The following DCDC1 variants were observed in gnomAD, a reference collection of about 807,000 sequenced individuals.
DCDC1 encodes doublecortin domain containing 1.
In DCDC1, 200 loss-of-function variants were observed where a neutral mutation model predicts 178.3. The ratio of observed to expected loss-of-function variants is 1.12; its 90% CI spans 1.00 to 1.26. The LOEUF (loss-of-function observed/expected upper bound fraction) is 1.26, where lower values mean the gene tolerates loss of function less well. Ranked by LOEUF, DCDC1 falls within the 50% of genes most tolerant of loss-of-function variation. The probability of loss-of-function intolerance (pLI) is 0.00; values close to 1 mark genes in which losing one functional copy is unlikely to be tolerated. For synonymous variants in DCDC1, 690 were observed against 604.8 expected (o/e 1.14, Z -2.07); for missense variants, 1,983 against 1,749.2 (o/e 1.13, Z -2.38).
At chr11:30,993,421 GAGAA>G (rs1951090672) in intron 20 of DCDC1, among the ~76,000 whole-genome samples, 1 of 151,818 alleles carries the variant, frequency 6.6e-6, no homozygotes, top group Admixed American at 6.6e-5. Flanking sequence ...TAAGAAACTA[GAGAA>G]AGAGAAGCAA....
intron 20 of DCDC1, among the ~76,000 whole-genome samples, chr11:31,015,934 A>T (rs1952462185): frequency 6.6e-6 from 1 of 152,240 alleles, no homozygotes. Context: ...AATGTCTAAC[A>T]TGCAAAGGTC....
At chr11:31,313,266 G>GGA (rs1948872529) in intron 3 of DCDC1, among the ~76,000 whole-genome samples, 1 of 152,042 alleles carries the variant, frequency 6.6e-6, no homozygotes, top group Non-Finnish European at 1.5e-5. Flanking sequence ...GGTTATGCTA[G>GGA]CCATTACAAT....
At position 31,001,914 on chromosome 11, in the gene DCDC1, T is replaced by C. The variant is rs375680588; in HGVS notation, c.2592-49346A>G. 5.3e-5 allele frequency among the ~76,000 whole-genome samples: 8 copies of C among 152,352 alleles called. 1 individual carries two copies. In the East Asian group the frequency reaches 1.5e-3, roughly 29 times the overall value. On this transcript the variant is annotated intron_variant, in intron 20 of 38. Transcript: ENST00000684477. ...AGTTCATCCATTTGGATGCTGCAAC[T>C]ACTCCTCTTGATTCTAATGAATTTC...
rs1963416114 is a variant in DCDC1, at chr11:31,138,363, A to G, written c.1222-579T>C. 2.0e-5 allele frequency among the ~76,000 whole-genome samples: 3 copies of G among 152,370 alleles called. No homozygotes were observed. The South Asian group carries it at 6.2e-4, about 32-fold the overall frequency. ...CTGCCAACCCATGTGTTACAAAAAAATGAATGTGGCCCATTCTATATTTCT... is the reference window on the plus strand; with the variant it reads ...CTGCCAACCCATGTGTTACAAAAAAGTGAATGTGGCCCATTCTATATTTCT... On this transcript the variant is annotated intron_variant, in intron 9 of 38. Coordinates refer to ENST00000684477, the MANE Select transcript of DCDC1 (RefSeq NM_001387274.1).
chr11:31,262,084 C>G (rs1273153723), intron 8 of DCDC1, among the ~76,000 whole-genome samples: 1 of 151,872 alleles, frequency 6.6e-6, no homozygotes, highest in African/African-American at 2.4e-5. Flanking sequence ...GAGCAACCAA[C>G]AGAGAGAGAC....
intron 17 of DCDC1, among the ~76,000 whole-genome samples, chr11:31,090,551 A>T (rs1957762215): frequency 6.6e-6 from 1 of 152,186 alleles, no homozygotes; most frequent in Non-Finnish European, 1.5e-5. Context: ...TCTGGCTTAG[A>T]CACTTTGTTG....
rs543296827 is a variant in DCDC1, at chr11:31,351,880, A to G, written c.-124-16316T>C. Among the ~76,000 whole-genome samples the G allele has an allele frequency of 3.9e-5, 6 of 152,240 alleles. 1 individual carries two copies. In the South Asian group the frequency reaches 1.2e-3, roughly 32 times the overall value. On this transcript the variant is annotated intron_variant, in intron 1 of 38. Transcript: ENST00000684477. ...TTCTCCACTCCCCTAATTTAAATAT[A>G]ATCTTCCTATTTACAGGTATCCAAG...
intron 11 of DCDC1, among the ~76,000 whole-genome samples, chr11:31,117,083 G>A (rs560106003): frequency 1.1e-4 from 17 of 152,100 alleles, no homozygotes; most frequent in Non-Finnish European, 2.2e-4. Context: ...TGAAATTTCA[G>A]TTAGAGATTC....
chr11:31,016,476 T>C (rs1952492996), intron 20 of DCDC1, among the ~76,000 whole-genome samples: 1 of 152,154 alleles, frequency 6.6e-6, no homozygotes, highest in African/African-American at 2.4e-5. Flanking sequence ...AACAAATAAC[T>C]AGGCTACAGA....
chr11:31,297,499 C>T (rs1026533983), intron 6 of DCDC1, among the ~76,000 whole-genome samples: 4 of 151,994 alleles, frequency 2.6e-5, no homozygotes, highest in Admixed American at 2.6e-4. Flanking sequence ...GCGCGCACTA[C>T]CGTGCCTGGC....
intron 6 of DCDC1, among the ~76,000 whole-genome samples, chr11:31,299,004 G>A (rs1947905483): frequency 6.6e-6 from 1 of 152,186 alleles, no homozygotes; most frequent in African/African-American, 2.4e-5. Flanking sequence ...AATGCAAGAT[G>A]AGTTTATAAA....
intron 20 of DCDC1, among the ~76,000 whole-genome samples, chr11:31,010,157 A>G (rs117693358): frequency 6.6e-6 from 1 of 152,346 alleles, no homozygotes; most frequent in East Asian, 1.9e-4. Context: ...ACCCTGACAG[A>G]TATCTTGTGA....
chr11:31,297,920 T>C (rs1947817710), intron 6 of DCDC1, among the ~76,000 whole-genome samples: 1 of 152,174 alleles, frequency 6.6e-6, no homozygotes, highest in African/African-American at 2.4e-5. Flanking sequence ...ATCTTACATA[T>C]ATTGATTGAT....
intron 9 of DCDC1, among the ~76,000 whole-genome samples, chr11:31,228,415 G>A (rs1046545693): frequency 2.0e-5 from 3 of 152,000 alleles, no homozygotes; most frequent in Admixed American, 6.6e-5. Flanking sequence ...GCAAAAGCAG[G>A]GCTTTGAGGG....
At chr11:31,361,950 G>GTGGGC (rs1158205162) in intron 1 of DCDC1, among the ~76,000 whole-genome samples, 1 of 152,192 alleles carries the variant, frequency 6.6e-6, no homozygotes, top group African/African-American at 2.4e-5. Flanking sequence ...AGGATATATT[G>GTGGGC]TGGGCTAAGA....
intron 8 of DCDC1, among the ~76,000 whole-genome samples, chr11:31,263,539 T>C (rs1591578189): frequency 6.6e-6 from 1 of 152,044 alleles, no homozygotes; most frequent in Non-Finnish European, 1.5e-5. Context: ...AAATGAAAAA[T>C]AGTTATGATA....
At position 31,072,191 on chromosome 11, in the gene DCDC1, T is replaced by C. The variant is rs187370686; in HGVS notation, c.2298+5674A>G. On this transcript the variant is annotated intron_variant, in intron 18 of 38. Coordinates refer to ENST00000684477, the MANE Select transcript of DCDC1 (RefSeq NM_001387274.1). ...ATCTCATTGTTTTACAGTTATTTTA[T>C]ATCTAGTGAGGCTGAAATTTTTATT... is the stretch of plus-strand genomic sequence containing the variant. Among the ~76,000 whole-genome samples the C allele has an allele frequency of 4.3e-4, 65 of 152,328 alleles. 1 individual carries two copies. Among genetic ancestry groups the C allele is most frequent in the Admixed American group, 2.7e-3 (42 of 15,296 alleles).
At chr11:31,305,825 T>C (rs1591708560) in intron 5 of DCDC1, 48 bp from the exon 6 acceptor site, 1 of 1,588,688 alleles carries the variant, frequency 6.3e-7, no homozygotes, top group Non-Finnish European at 8.6e-7. Context: ...ACAAAGAAAG[T>C]AATATATTTC....
At chr11:31,267,087 C>G (rs1414424778) in intron 7 of DCDC1, among the ~76,000 whole-genome samples, 1 of 152,210 alleles carries the variant, frequency 6.6e-6, no homozygotes, top group Admixed American at 6.5e-5. Context: ...TTCTTGCACA[C>G]TAGCTGCAAT....
Sources: gnomAD v4.1 joint callset for allele counts (sites outside exome capture counted in the v4.1 genomes callset) on GRCh38, gnomAD v4.1.1 for gene constraint, MANE v1.5 for transcripts, NCBI Gene and HGNC (gene_info 2026-07-23, HGNC 2026-07-21) for gene names.